The following BICD1 variants were observed in gnomAD, a reference collection of about 807,000 sequenced individuals.
The protein encoded by BICD1 is BICD cargo adaptor 1, also known as protein bicaudal D homolog 1.
A neutral mutation model predicts 92.5 loss-of-function variants in BICD1; 35 were observed. The ratio of observed to expected loss-of-function variants is 0.38; its 90% CI spans 0.29 to 0.50. The LOEUF (loss-of-function observed/expected upper bound fraction) is 0.50. Ranked by LOEUF, BICD1 falls within the 20% of genes least tolerant of loss-of-function variation. BICD1 has a pLI of 0.93. For synonymous variants in BICD1, 429 were observed against 465.1 expected (o/e 0.92, Z 1.00); for missense variants, 950 against 1,189.8 (o/e 0.80, Z 2.97).
intron 1 of BICD1, among the ~76,000 whole-genome samples, chr12:32,185,926 G>A (rs1203681711): frequency 1.7e-5 from 2 of 115,674 alleles, no homozygotes; most frequent in East Asian, 2.7e-4. Flanking sequence ...CATCTGTGTG[G>A]GGCCAGGAGA....
intron 1 of BICD1, among the ~76,000 whole-genome samples, chr12:32,160,639 T>C (rs1943570107): frequency 6.6e-6 from 1 of 152,240 alleles, no homozygotes; most frequent in Non-Finnish European, 1.5e-5. Flanking sequence ...CTGAATCATC[T>C]TGAAATACAG....
At chr12:32,284,355 A>T (rs764134644) in intron 2 of BICD1, among the ~76,000 whole-genome samples, 10 of 152,216 alleles carry the variant, frequency 6.6e-5, no homozygotes, top group Non-Finnish European at 1.3e-4. Flanking sequence ...TATAGGATAC[A>T]TCATTGACTC....
At chr12:32,292,038 A>G (rs1197419839) in intron 2 of BICD1, among the ~76,000 whole-genome samples, 2 of 152,186 alleles carry the variant, frequency 1.3e-5, no homozygotes, top group South Asian at 2.1e-4. Context: ...AGTTTTGCCC[A>G]GGTATTCTTT....
rs58895470 is a variant in BICD1, at chr12:32,225,621, GTTTT to G, written c.426+9179_426+9182del. On this transcript the variant is annotated intron_variant, in intron 2 of 9. Transcript: ENST00000652176. ...TGGTATTTGACAGTTCTTTTTTTCT[GTTTT>G]TTTTTTTTTTTTTTTTAGACGGAGT... Among the ~76,000 whole-genome samples the G allele has an allele frequency of 1.3e-3, 117 of 92,784 alleles. 1 individual carries two copies. The highest frequency in any genetic ancestry group is 2.0e-3 in the African/African-American group (56 of 27,402). The allele number at this position is 92,784 out of a possible 152,430, so 60.9% of individuals were successfully genotyped here. A position where few individuals can be genotyped will look rare whatever the true frequency, so the allele number is the denominator to read the frequency against.
intron 9 of BICD1, among the ~76,000 whole-genome samples, chr12:32,369,191 G>C (rs1361357818): frequency 3.3e-5 from 5 of 152,236 alleles, no homozygotes; most frequent in African/African-American, 1.2e-4. Flanking sequence ...AATCAGTCAT[G>C]AATTGCCCTC....
intron 1 of BICD1, among the ~76,000 whole-genome samples, chr12:32,193,159 T>C (rs1054682232): frequency 6.6e-6 from 1 of 152,154 alleles, no homozygotes; most frequent in African/African-American, 2.4e-5. Context: ...AAAGGAACAG[T>C]TGATCAATGC....
At chr12:32,253,567 A>G (rs544969939) in intron 2 of BICD1, among the ~76,000 whole-genome samples, 1 of 152,332 alleles carries the variant, frequency 6.6e-6, no homozygotes, top group Non-Finnish European at 1.5e-5. Context: ...AGAGGTCAAT[A>G]TTAAGCTTCC....
At chr12:32,373,877 CAA>C (rs145953855) in intron 9 of BICD1, among the ~76,000 whole-genome samples, 7 of 121,850 alleles carry the variant, frequency 5.7e-5, no homozygotes, top group Non-Finnish European at 5.3e-5. Context: ...GAGACTGTCT[CAA>C]AAAAAAAAAA....
chr12:32,140,201 C>G (rs1942867407), intron 1 of BICD1, among the ~76,000 whole-genome samples: 1 of 152,164 alleles, frequency 6.6e-6, no homozygotes, highest in East Asian at 1.9e-4. Flanking sequence ...ATCCTCTGGG[C>G]TTCTTCCAAG....
At chr12:32,333,747 G>GT (rs538630751) in intron 5 of BICD1, among the ~76,000 whole-genome samples, 61 of 152,244 alleles carry the variant, frequency 4.0e-4, no homozygotes, top group African/African-American at 1.4e-3. Context: ...CAGTCAGTGT[G>GT]TTTTTTTACT....
chr12:32,236,625 A>C (rs183873611), intron 2 of BICD1, among the ~76,000 whole-genome samples: 28 of 152,274 alleles, frequency 1.8e-4, no homozygotes, highest in Admixed American at 3.9e-4. Context: ...AAAACATAGA[A>C]ATGATTATGC....
At chr12:32,237,791 G>A (rs1946116320) in intron 2 of BICD1, among the ~76,000 whole-genome samples, 1 of 152,220 alleles carries the variant, frequency 6.6e-6, no homozygotes, top group Non-Finnish European at 1.5e-5. Flanking sequence ...CTCATTGACA[G>A]TGTACCTGGT....
At chr12:32,111,875 TAA>T (rs1941708420) in intron 1 of BICD1, among the ~76,000 whole-genome samples, 1 of 152,180 alleles carries the variant, frequency 6.6e-6, no homozygotes, top group South Asian at 2.1e-4. Context: ...AAATTAATCT[TAA>T]AATCTAAAAT....
At chr12:32,267,690 T>C (rs1353442877) in intron 2 of BICD1, among the ~76,000 whole-genome samples, 1 of 152,270 alleles carries the variant, frequency 6.6e-6, no homozygotes, top group Non-Finnish European at 1.5e-5. Flanking sequence ...TATTTTCTTC[T>C]AACCCATCTT....
chr12:32,293,426 T>G (rs1171290640), intron 2 of BICD1, among the ~76,000 whole-genome samples: 2 of 151,860 alleles, frequency 1.3e-5, no homozygotes, highest in African/African-American at 4.8e-5. Context: ...CAAGTGACTC[T>G]CCTGCCTCAG....
intron 1 of BICD1, among the ~76,000 whole-genome samples, chr12:32,161,939 T>TA (rs1054592887): frequency 8.6e-5 from 13 of 151,736 alleles, no homozygotes; most frequent in Non-Finnish European, 1.9e-4. Context: ...ACTGCCATAA[T>TA]AAAAAAAAGC....
chr12:32,111,061 C>T (rs1162307861), intron 1 of BICD1, among the ~76,000 whole-genome samples: 1 of 151,736 alleles, frequency 6.6e-6, no homozygotes, highest in Non-Finnish European at 1.5e-5. Context: ...AAAAAGAGCC[C>T]CTTAGAAAGG....
chr12:32,361,389 C>T (rs1415802746), intron 8 of BICD1, among the ~76,000 whole-genome samples: 3 of 151,814 alleles, frequency 2.0e-5, no homozygotes, highest in Non-Finnish European at 2.9e-5. Context: ...CCCATCTCCA[C>T]CAAACATACA....
At chr12:32,316,505 C>T (rs989628144) in intron 4 of BICD1, among the ~76,000 whole-genome samples, 15 of 151,426 alleles carry the variant, frequency 9.9e-5, no homozygotes, top group African/African-American at 3.1e-4. Flanking sequence ...TTCACCATGT[C>T]GGCCTGGCTG....
Sources: gnomAD v4.1 joint callset for allele counts (sites outside exome capture counted in the v4.1 genomes callset) on GRCh38, gnomAD v4.1.1 for gene constraint, MANE v1.5 for transcripts, NCBI Gene and HGNC (gene_info 2026-07-23, HGNC 2026-07-21) for gene names.